MCC: variants seen among roughly 807,000 people sequenced by gnomAD.
MCC encodes the protein MCC regulator of Wnt signaling pathway, also known as colorectal mutant cancer protein.
Under a neutral mutation model 116.2 loss-of-function variants are expected in MCC, and 90 were observed. The ratio of observed to expected loss-of-function variants is 0.77; its 90% CI spans 0.65 to 0.92. The LOEUF (loss-of-function observed/expected upper bound fraction) is 0.92. Ranked by LOEUF, MCC falls within the 40% of genes least tolerant of loss-of-function variation. The probability of loss-of-function intolerance (pLI) is 0.00; values close to 1 mark genes in which losing one functional copy is unlikely to be tolerated. For missense variants in MCC, 1,516 were observed against 1,312.2 expected (o/e 1.16, Z -2.40); for synonymous variants, 578 against 510.5 (o/e 1.13, Z -1.78).
chr5:113,405,823 G>A (rs1342264457), intron 1 of MCC, among the ~76,000 whole-genome samples: 1 of 151,152 alleles, frequency 6.6e-6, no homozygotes, highest in African/African-American at 2.4e-5. Context: ...AAAGAAAAAA[G>A]AAAAAAAAGT....
At chr5:113,427,958 G>T (rs1428169832) in intron 1 of MCC, among the ~76,000 whole-genome samples, 2 of 152,162 alleles carry the variant, frequency 1.3e-5, no homozygotes, top group Admixed American at 1.3e-4. Flanking sequence ...ACATACCTCA[G>T]TGGAAACCAG....
intron 1 of MCC, chr5:113,435,007 C>T (rs1770807113): frequency 1.3e-6 from 1 of 766,112 alleles, no homozygotes; most frequent in African/African-American, 1.7e-5. Context: ...TTGGCACTGT[C>T]TCCCAGATGA....
intron 3 of MCC, among the ~76,000 whole-genome samples, chr5:113,244,658 A>G (rs567514928): frequency 6.6e-6 from 1 of 152,358 alleles, no homozygotes; most frequent in East Asian, 1.9e-4. Flanking sequence ...GCAAGTCTGT[A>G]TCTACTCTTC....
At chr5:113,113,440 G>C (rs1757213548) in intron 6 of MCC, among the ~76,000 whole-genome samples, 1 of 152,092 alleles carries the variant, frequency 6.6e-6, no homozygotes, top group Non-Finnish European at 1.5e-5. Context: ...GAAGACTGAA[G>C]GGTCTGGGAG....
intron 14 of MCC, among the ~76,000 whole-genome samples, chr5:113,055,361 C>G (rs1412256404): frequency 6.6e-6 from 1 of 152,210 alleles, no homozygotes. Flanking sequence ...AGGACCCCAA[C>G]TCAGTAGCTG....
At chr5:113,157,991 G>A (rs1350325278) in intron 3 of MCC, among the ~76,000 whole-genome samples, 1 of 152,216 alleles carries the variant, frequency 6.6e-6, no homozygotes, top group African/African-American at 2.4e-5. Context: ...TGATAACCCA[G>A]CTGGCTAATG....
chr5:113,200,524 G>T (rs553130559), intron 3 of MCC, among the ~76,000 whole-genome samples: 1 of 152,144 alleles, frequency 6.6e-6, no homozygotes, highest in South Asian at 2.1e-4. Context: ...AAGACTATCT[G>T]GTTCAACTTA....
At chr5:113,138,146 A>G (rs1050006415) in intron 5 of MCC, among the ~76,000 whole-genome samples, 7 of 151,466 alleles carry the variant, frequency 4.6e-5, no homozygotes, top group African/African-American at 1.7e-4. Flanking sequence ...CCTCCCAAGT[A>G]GTTGGGACTA....
chr5:113,049,116 C>T lies in MCC; in HGVS notation c.2632G>A (p.Gly878Ser), dbSNP rs141601030. ...RMRSLSSTSS[G>S]SKDKPGKECA... is the part of the protein sequence containing the mutation. ...ACCTTGCCAGGTTTGTCTTTGCTGC[C>T]GCTGCTGGTGGAGCTGAGGGATCGC... The change falls in exon 16 of 19, where the codon GGC (glycine) becomes AGC (serine). Residue 878 changes from glycine to serine, a missense_variant. By Grantham distance (56) the Gly-to-Ser change is moderately conservative. Transcript: ENST00000408903. The T allele has an allele frequency of 1.4e-5, 23 of 1,614,054 alleles. No homozygotes were observed. The highest frequency in any genetic ancestry group is 2.2e-5 in the East Asian group (1 of 44,898).
intron 1 of MCC, among the ~76,000 whole-genome samples, chr5:113,438,533 T>C (rs1770933803): frequency 6.6e-6 from 1 of 152,164 alleles, no homozygotes; most frequent in Non-Finnish European, 1.5e-5. Context: ...AAAGTGATTG[T>C]GAGGATTAGA....
intron 8 of MCC, among the ~76,000 whole-genome samples, chr5:113,085,960 G>T (rs1204996536): frequency 2.6e-5 from 4 of 152,208 alleles, no homozygotes; most frequent in Non-Finnish European, 5.9e-5. Context: ...AAAGTGCTGG[G>T]ATTACCGGCA....
chr5:113,076,619 T>G (rs550583758), intron 11 of MCC, among the ~76,000 whole-genome samples: 2 of 152,332 alleles, frequency 1.3e-5, no homozygotes, highest in Admixed American at 6.5e-5. Context: ...CTGAGAGATT[T>G]TGTCACCACC....
In MCC at chr5:113,141,518, TG is replaced by T. The variant is rs1188154635; in HGVS notation, c.884+1699del. On this transcript the variant is annotated intron_variant, in intron 5 of 18. Coordinates refer to ENST00000408903, the MANE Select transcript of MCC (RefSeq NM_001085377.2). ...TAATTCAGAGGCCAAACCAATTTGC[TG>T]GAGTGCTGAGGGCTGGGGAGATGCC... Among the ~76,000 whole-genome samples the T allele has an allele frequency of 3.9e-5, 6 of 152,352 alleles. No individual in the cohort carries two copies. In the East Asian group the frequency reaches 9.6e-4, roughly 24 times the overall value.
At chr5:113,158,713 C>G (rs1473891722) in intron 3 of MCC, among the ~76,000 whole-genome samples, 2 of 152,174 alleles carry the variant, frequency 1.3e-5, no homozygotes, top group African/African-American at 4.8e-5. Context: ...AGAAAATCAG[C>G]CGAAGTGAAG....
At chr5:113,192,901 T>C (rs189402963) in intron 3 of MCC, among the ~76,000 whole-genome samples, 12 of 152,356 alleles carry the variant, frequency 7.9e-5, no homozygotes, top group Admixed American at 7.8e-4. Flanking sequence ...AACAAATACA[T>C]GAACTTAGTG....
intron 17 of MCC, among the ~76,000 whole-genome samples, chr5:113,039,711 G>GCCCCCCCCCCCCCC (rs61635777): frequency 7.6e-5 from 4 of 52,366 alleles, no homozygotes; most frequent in African/African-American, 2.6e-4. Context: ...CCCACTCCGC[G>GCCCCCCCCCCCCCC]CCCCCCCCCC....
chr5:113,347,359 G>A (rs370790009), intron 2 of MCC, among the ~76,000 whole-genome samples: 15 of 151,750 alleles, frequency 9.9e-5, no homozygotes, highest in African/African-American at 3.2e-4. Context: ...TTAAAGTGTG[G>A]AATTTTTATT....
intron 14 of MCC, among the ~76,000 whole-genome samples, chr5:113,059,645 G>C (rs535309766): frequency 1.2e-4 from 18 of 152,378 alleles, no homozygotes; most frequent in African/African-American, 4.1e-4. Flanking sequence ...CCACACATGT[G>C]TGTCTTGCTC....
At chr5:113,289,837 T>A (rs1292247119) in intron 3 of MCC, among the ~76,000 whole-genome samples, 2 of 152,224 alleles carry the variant, frequency 1.3e-5, no homozygotes, top group East Asian at 3.8e-4. Flanking sequence ...TTGGAGCAGT[T>A]TGTTGGATTC....
Sources: gnomAD v4.1 joint callset for allele counts (sites outside exome capture counted in the v4.1 genomes callset) on GRCh38, gnomAD v4.1.1 for gene constraint, MANE v1.5 for transcripts, NCBI Gene and HGNC (gene_info 2026-07-23, HGNC 2026-07-21) for gene names.